The following SPATA13 variants were observed in gnomAD, a reference collection of about 807,000 sequenced individuals.
SPATA13 encodes spermatogenesis-associated protein 13.
SPATA13 carries 50 observed loss-of-function variants against 104.0 expected under a neutral mutation model. That is an observed-to-expected ratio of 0.48 (90% confidence interval 0.38 to 0.61). SPATA13 has a LOEUF of 0.61. Ranked by LOEUF, SPATA13 falls within the 20% of genes least tolerant of loss-of-function variation. The pLI is 0.00. For synonymous variants in SPATA13, 606 were observed against 667.5 expected (o/e 0.91, Z 1.42); for missense variants, 1,524 against 1,690.6 (o/e 0.90, Z 1.73).
chr13:24,106,066 C>A (rs910322147), intron 3 of SPATA13, among the ~76,000 whole-genome samples: 2 of 152,192 alleles, frequency 1.3e-5, no homozygotes, highest in Non-Finnish European at 2.9e-5. Flanking sequence ...ATTTTCTTTT[C>A]TCTGTCACTC....
intron 1 of SPATA13, among the ~76,000 whole-genome samples, chr13:24,173,376 GTGTGT>G (rs1883071056): frequency 6.7e-6 from 1 of 149,956 alleles, no homozygotes; most frequent in South Asian, 2.1e-4. Flanking sequence ...GTGTGTGTGT[GTGTGT>G]GTGTGTGTGT....
intron 3 of SPATA13, among the ~76,000 whole-genome samples, chr13:24,095,431 G>A (rs1273323078): frequency 6.6e-6 from 1 of 152,094 alleles, no homozygotes; most frequent in African/African-American, 2.4e-5. Flanking sequence ...CAGAATAGGG[G>A]AGTTAAATTT....
At chr13:24,159,723 A>G (rs999632805), upstream of SPATA13, among the ~76,000 whole-genome samples, 2 of 152,266 alleles carry the variant, frequency 1.3e-5, no homozygotes, top group African/African-American at 4.8e-5. Flanking sequence ...TAAAAAACAT[A>G]CATAAAATTA....
At chr13:24,087,813 C>A (rs1879783134) in intron 3 of SPATA13, among the ~76,000 whole-genome samples, 1 of 152,146 alleles carries the variant, frequency 6.6e-6, no homozygotes, top group South Asian at 2.1e-4. Flanking sequence ...TCCTGCTCCT[C>A]CCCAGAGCTG....
chr13:24,083,004 T>C (rs9580856), intron 3 of SPATA13, among the ~76,000 whole-genome samples: 5 of 152,202 alleles, frequency 3.3e-5, no homozygotes, highest in African/African-American at 1.2e-4. Flanking sequence ...TAAATCTAAA[T>C]GTTTAATGGT....
At chr13:24,076,165 A>C (rs1056081236) in intron 3 of SPATA13, among the ~76,000 whole-genome samples, 3 of 152,190 alleles carry the variant, frequency 2.0e-5, no homozygotes, top group Admixed American at 1.3e-4. Flanking sequence ...AAGTTCTTAG[A>C]AATTCTTGAG....
intron 3 of SPATA13, among the ~76,000 whole-genome samples, chr13:24,107,846 A>G (rs2137809234): frequency 6.6e-6 from 1 of 152,344 alleles, no homozygotes; most frequent in Middle Eastern, 3.4e-3. Context: ...TCTAGGTGGT[A>G]ATTTTTAAGT....
chr13:24,239,693 TAA>T (rs55881452), intron 2 of SPATA13, among the ~76,000 whole-genome samples: 3 of 46,940 alleles, frequency 6.4e-5, no homozygotes, highest in East Asian at 1.6e-3. Flanking sequence ...AGACCATATC[TAA>T]AAAAAAAAAA....
chr13:24,239,057 G>A (rs1872708237), intron 2 of SPATA13, among the ~76,000 whole-genome samples: 1 of 152,210 alleles, frequency 6.6e-6, no homozygotes, highest in Admixed American at 6.5e-5. Flanking sequence ...TTTAAAGCAG[G>A]TGTGATACAA....
chr13:24,069,285 C>G (rs1455327975), intron 3 of SPATA13, among the ~76,000 whole-genome samples: 6 of 152,146 alleles, frequency 3.9e-5, no homozygotes, highest in Admixed American at 3.9e-4. Flanking sequence ...TTTGTGTCAT[C>G]TCTGATTTAT....
At chr13:24,096,456 G>T (rs995290317) in intron 3 of SPATA13, among the ~76,000 whole-genome samples, 10 of 152,144 alleles carry the variant, frequency 6.6e-5, no homozygotes, top group Admixed American at 3.9e-4. Flanking sequence ...AAAAATAGCT[G>T]GGCGTGGTGG....
intron 4 of SPATA13, among the ~76,000 whole-genome samples, chr13:24,256,821 G>A (rs1185628414): frequency 6.6e-6 from 1 of 152,212 alleles, no homozygotes; most frequent in African/African-American, 2.4e-5. Context: ...AATTTCAGTG[G>A]CACTTATTGG....
intron 3 of SPATA13, among the ~76,000 whole-genome samples, chr13:24,035,755 T>G (rs1877654852): frequency 6.6e-6 from 1 of 152,188 alleles, no homozygotes; most frequent in South Asian, 2.1e-4. Flanking sequence ...GGCGCACACC[T>G]GTTCTCCCAG....
At chr13:24,058,964 T>C (rs572469268) in intron 3 of SPATA13, among the ~76,000 whole-genome samples, 1 of 46,876 alleles carries the variant, frequency 2.1e-5, no homozygotes, top group Admixed American at 2.5e-4. Flanking sequence ...CTGTGTATTG[T>C]TTTTTGTTTT....
chr13:24,228,108 CTTTTTTTTT>C (rs71186818), intron 2 of SPATA13, among the ~76,000 whole-genome samples: 1 of 102,274 alleles, frequency 9.8e-6, no homozygotes. Flanking sequence ...CTCTTGTACT[CTTTTTTTTT>C]TTTTTTTTTT....
intron 2 of SPATA13, among the ~76,000 whole-genome samples, chr13:24,231,996 C>G (rs1367443968): frequency 6.6e-6 from 1 of 152,158 alleles, no homozygotes; most frequent in Non-Finnish European, 1.5e-5. Flanking sequence ...TTTATATTTC[C>G]TGGCCACCTG....
chr13:24,184,015 G>A (rs559746724), intron 1 of SPATA13, among the ~76,000 whole-genome samples: 12 of 152,168 alleles, frequency 7.9e-5, no homozygotes, highest in African/African-American at 2.2e-4. Flanking sequence ...AGGAAGTGGC[G>A]CGCTCAAGGT....
chr13:24,092,017 A>G (rs1320771863), intron 3 of SPATA13, among the ~76,000 whole-genome samples: 2 of 152,180 alleles, frequency 1.3e-5, no homozygotes, highest in African/African-American at 4.8e-5. Flanking sequence ...GTTCTTCCTG[A>G]CGGTTAGTCA....
intron 1 of SPATA13, among the ~76,000 whole-genome samples, chr13:24,167,205 T>C (rs1289934262): frequency 6.6e-6 from 1 of 152,160 alleles, no homozygotes; most frequent in Non-Finnish European, 1.5e-5. Context: ...ACGCAGGAAG[T>C]GCTTTGTGTG....
Sources: gnomAD v4.1 joint callset for allele counts (sites outside exome capture counted in the v4.1 genomes callset) on GRCh38, gnomAD v4.1.1 for gene constraint, MANE v1.5 for transcripts, NCBI Gene and HGNC (gene_info 2026-07-23, HGNC 2026-07-21) for gene names.